Variants in TRIB2 observed in about 807,000 individuals in gnomAD.
TRIB2 encodes tribbles pseudokinase 2.
In TRIB2, 2 loss-of-function variants were observed where a neutral mutation model predicts 26.8. The observed-to-expected ratio is 0.07, with a 90% CI of 0.03 to 0.24. The LOEUF (loss-of-function observed/expected upper bound fraction) is 0.24, where lower values mean the gene tolerates loss of function less well. Ranked by LOEUF, TRIB2 falls within the 10% of genes least tolerant of loss-of-function variation. The pLI is 1.00. For missense variants in TRIB2, 306 were observed against 449.0 expected (o/e 0.68, Z 2.88); for synonymous variants, 189 against 187.3 (o/e 1.01, Z -0.08).
chr2:12,718,196 C>G lies in TRIB2; in HGVS notation c.-112C>G, dbSNP rs1457732435. ...ACGCAGCCCCTCTTCTGTCCCCTCC[C>G]CTCTCGCTCCCTTTTAAAATCAGTG... On this transcript the variant is annotated 5_prime_UTR_variant, in exon 1 of 3. Coordinates refer to ENST00000155926, the MANE Select transcript of TRIB2 (RefSeq NM_021643.4). The surrounding 1 kb of genome is among the most constrained non-coding windows in gnomAD (Gnocchi z 4.0). 5.1e-6 allele frequency: 7 copies of G among 1,382,844 alleles called. No homozygotes were observed. Among genetic ancestry groups the G allele is most frequent in the African/African-American group, 4.3e-5 (3 of 68,974 alleles). The allele number at this position is 1,382,844 out of a possible 1,614,324, so 85.7% of individuals were successfully genotyped here.
Position 12,717,479 on chromosome 2 carries a change from C to G in TRIB2, c.-829C>G. ...GCATGAGCCTGTGCTGACCTCCGCGCGGCGGGCCGAGCCCAGGGCTTTGTC... is the reference window on the plus strand; with the variant it reads ...GCATGAGCCTGTGCTGACCTCCGCGGGGCGGGCCGAGCCCAGGGCTTTGTC... On this transcript the variant is annotated 5_prime_UTR_variant, in exon 1 of 3. Coordinates refer to ENST00000155926, the MANE Select transcript of TRIB2 (RefSeq NM_021643.4). The surrounding 1 kb of genome is among the most constrained non-coding windows in gnomAD (Gnocchi z 4.8). 1 of 398,414 alleles carries G rather than the reference C, an allele frequency of 2.5e-6. No individual in the cohort carries two copies. The highest frequency in any genetic ancestry group is 4.4e-6 in the Non-Finnish European group (1 of 225,902). 24.7% of individuals were successfully genotyped at this position (398,414 alleles called of 1,614,324 possible). A position where few individuals can be genotyped will look rare whatever the true frequency, so the allele number is the denominator to read the frequency against.
In TRIB2 at chr2:12,718,823, G is replaced by T. The variant is rs1446416263; in HGVS notation, c.270+246G>T. On this transcript the variant is annotated intron_variant, in intron 1 of 2. Coordinates refer to ENST00000155926, the MANE Select transcript of TRIB2 (RefSeq NM_021643.4). This position sits in a 1 kb window ranked among gnomAD's most constrained non-coding sequence, Gnocchi z 4.0. ...GGGGAGGAGAGGGCGGCGGGACTGC[G>T]CGGGGGCCACGGACACGCGTGCACC... Among the ~76,000 whole-genome samples the T allele has an allele frequency of 6.6e-6, 1 of 152,162 alleles. No individual in the cohort carries two copies. The highest frequency in any genetic ancestry group is 6.5e-5 in the Admixed American group (1 of 15,286).
At chr2:12,728,635 TTGACG>T (rs1558317128) in intron 2 of TRIB2, among the ~76,000 whole-genome samples, 1 of 152,228 alleles carries the variant, frequency 6.6e-6, no homozygotes, top group Non-Finnish European at 1.5e-5. Flanking sequence ...TCTTTATCTC[TTGACG>T]TGACAGGTTT....
chr2:12,728,949 C>A (rs1451701527), intron 2 of TRIB2, among the ~76,000 whole-genome samples: 1 of 152,208 alleles, frequency 6.6e-6, no homozygotes, highest in Non-Finnish European at 1.5e-5. Flanking sequence ...GGCATGGAAA[C>A]CCTGGAGACC....
rs1661707118 is a variant in TRIB2 at position 12,741,321 on chromosome 2, A to G, written c.*527A>G. ...GACTGACATGAAACCTGGGTGCTAC[A>G]GTAAAAGAAAACAAAAGTCCAGTTT... On this transcript the variant is annotated 3_prime_UTR_variant, in exon 3 of 3. Transcript: ENST00000155926. 1 of 154,470 alleles carries G rather than the reference A, an allele frequency of 6.5e-6. No homozygotes were observed. The highest frequency in any genetic ancestry group is 6.4e-5 in the Admixed American group (1 of 15,610). 9.6% of individuals were successfully genotyped at this position (154,470 alleles called of 1,614,324 possible).
chr2:12,722,556 AT>A (rs752090595), intron 1 of TRIB2, among the ~76,000 whole-genome samples: 1 of 152,194 alleles, frequency 6.6e-6, no homozygotes, highest in Non-Finnish European at 1.5e-5. Context: ...TTGCAGGCTA[AT>A]TTTGATTCAT....
intron 2 of TRIB2, among the ~76,000 whole-genome samples, chr2:12,738,482 A>T (rs1661634731): frequency 6.6e-6 from 1 of 152,066 alleles, no homozygotes; most frequent in Admixed American, 6.6e-5. Context: ...ACTCCTCCCC[A>T]TCCCTCCTCA....
rs1237321106 is a variant in TRIB2, at chr2:12,718,387, T to C, written c.80T>C (p.Leu27Ser). 1.9e-6 allele frequency: 3 copies of C among 1,614,184 alleles called. No individual in the cohort carries two copies. Among genetic ancestry groups the C allele is most frequent in the East Asian group, 4.5e-5 (2 of 44,880 alleles). The change falls in exon 1 of 3, where the codon TTG becomes TCG. Residue 27 changes from leucine (L) to serine (S), a missense_variant. Physicochemically the swap from Leu to Ser is moderately radical, Grantham distance 145 (BLOSUM62 -2). Transcript: ENST00000155926. The surrounding 1 kb of genome is among the most constrained non-coding windows in gnomAD (Gnocchi z 4.0). ...AACAAAACCCAGGATTTCGAAGAGTTGTCGTCTATAAGGTCCGCGGAGCCC... is the reference window on the plus strand; with the variant it reads ...AACAAAACCCAGGATTTCGAAGAGTCGTCGTCTATAAGGTCCGCGGAGCCC... ...SRNKTQDFEELSSIRSAEPSQ... is the reference protein window; with the variant it reads ...SRNKTQDFEESSSIRSAEPSQ...
intron 2 of TRIB2, among the ~76,000 whole-genome samples, chr2:12,735,975 T>G (rs2103258260): frequency 1.3e-5 from 2 of 152,258 alleles, no homozygotes; most frequent in Admixed American, 1.3e-4. Context: ...GGTGCTCATC[T>G]TGAGGTAGGA....
intron 2 of TRIB2, among the ~76,000 whole-genome samples, chr2:12,727,923 C>T (rs1661368816): frequency 1.3e-5 from 2 of 152,154 alleles, no homozygotes; most frequent in Non-Finnish European, 2.9e-5. Context: ...GCCCTGTGCA[C>T]TCCGCCTCCC....
At chr2:12,724,752 G>C in intron 2 of TRIB2, 1 of 1,612,708 alleles carries the variant, frequency 6.2e-7, no homozygotes, top group Non-Finnish European at 8.5e-7. Context: ...TTCTCCTTCT[G>C]TTACCTTCTG....
At chr2:12,735,964 G>A (rs1027422388) in intron 2 of TRIB2, among the ~76,000 whole-genome samples, 2 of 152,112 alleles carry the variant, frequency 1.3e-5, no homozygotes, top group African/African-American at 4.8e-5. Flanking sequence ...CCTAGATTCT[G>A]GGTGCTCATC....
At chr2:12,719,286 C>G (rs1666672348) in intron 1 of TRIB2, among the ~76,000 whole-genome samples, 2 of 152,110 alleles carry the variant, frequency 1.3e-5, no homozygotes, top group Admixed American at 1.3e-4. Flanking sequence ...CCCTGAACAA[C>G]ACCTTTGCCT....
intron 1 of TRIB2, among the ~76,000 whole-genome samples, chr2:12,721,480 T>C (rs1269000921): frequency 6.6e-6 from 1 of 152,230 alleles, no homozygotes; most frequent in African/African-American, 2.4e-5. Context: ...GCAAAGCTTA[T>C]TACTCCTCGA....
At chr2:12,739,053 T>G (rs545190137) in intron 2 of TRIB2, among the ~76,000 whole-genome samples, 1 of 152,014 alleles carries the variant, frequency 6.6e-6, no homozygotes, top group South Asian at 2.1e-4. Flanking sequence ...GTAGGATGCC[T>G]AGTTTGAAAA....
chr2:12,730,953 C>T (rs1341653671), intron 2 of TRIB2, among the ~76,000 whole-genome samples: 2 of 152,200 alleles, frequency 1.3e-5, no homozygotes, highest in Non-Finnish European at 2.9e-5. Flanking sequence ...ATGCCGTGAA[C>T]TCCAGATAGA....
chr2:12,718,391 G>C lies in TRIB2; in HGVS notation c.84G>C (p.Ser28=), dbSNP rs751126004. The change falls in exon 1 of 3, where the codon TCG becomes TCC. Residue 28 remains serine (S), a synonymous_variant. Transcript: ENST00000155926. The surrounding 1 kb of genome is among the most constrained non-coding windows in gnomAD (Gnocchi z 4.0). The part of the protein sequence containing the change: ...RNKTQDFEEL[S]SIRSAEPSQS... ...AAACCCAGGATTTCGAAGAGTTGTC[G>C]TCTATAAGGTCCGCGGAGCCCAGCC... 1.2e-6 allele frequency: 2 copies of C among 1,614,208 alleles called. No homozygotes were observed. The highest frequency in any genetic ancestry group is 4.5e-5 in the East Asian group (2 of 44,882).
In TRIB2 at chr2:12,717,608, CTTTT is replaced by C. The variant is rs758449478; in HGVS notation, c.-695_-692del. The C allele has an allele frequency of 2.5e-6, 1 of 396,632 alleles. No individual in the cohort carries two copies. The highest frequency in any genetic ancestry group is 4.4e-6 in the Non-Finnish European group (1 of 225,338). 24.6% of individuals were successfully genotyped at this position (396,632 alleles called of 1,614,324 possible). ...AGTTAAATGCTCCCTTGCAATTTTTCTTTTTTTTGTTTGTTTGTTTAATTTTTGG... is the reference window on the plus strand; with the variant it reads ...AGTTAAATGCTCCCTTGCAATTTTTCTTTTGTTTGTTTGTTTAATTTTTGG... On this transcript the variant is annotated 5_prime_UTR_variant, in exon 1 of 3. The change abolishes the stop of an existing upstream ORF in the 5' untranslated region. Coordinates refer to ENST00000155926, the MANE Select transcript of TRIB2 (RefSeq NM_021643.4). The surrounding 1 kb of genome is among the most constrained non-coding windows in gnomAD (Gnocchi z 4.8).
intron 2 of TRIB2, among the ~76,000 whole-genome samples, chr2:12,738,649 T>C (rs62126068): frequency 0.1 from 15,643 of 152,064 alleles, 900 homozygotes; most frequent in African/African-American, 0.15. Context: ...TTCCTAACTT[T>C]CCACTCAAAG....
Sources: gnomAD v4.1 joint callset for allele counts (sites outside exome capture counted in the v4.1 genomes callset) on GRCh38, gnomAD v4.1.1 for gene constraint, Gnocchi (gnomAD v3.1) non-coding constraint, MANE v1.5 for transcripts, NCBI Gene and HGNC (gene_info 2026-07-23, HGNC 2026-07-21) for gene names.